Variants in MAST2 observed in about 807,000 individuals in gnomAD.
MAST2 encodes the protein microtubule associated serine/threonine kinase 2.
In MAST2, 70 loss-of-function variants were observed where a neutral mutation model predicts 147.4. The observed-to-expected ratio is 0.47, with a 90% CI of 0.39 to 0.58. The LOEUF (loss-of-function observed/expected upper bound fraction) is 0.58. MAST2 is among the 20% of genes least tolerant of loss of function. The pLI is 0.00. For missense variants in MAST2, 2,080 were observed against 2,302.3 expected (o/e 0.90, Z 1.98); for synonymous variants, 869 against 896.8 (o/e 0.97, Z 0.55).
intron 8 of MAST2, 69 bp downstream of exon 8, chr1:46,006,464 G>A: frequency 1.3e-6 from 2 of 1,503,344 alleles, no homozygotes. Context: ...CACAGAGGTG[G>A]GCACACTATG....
intron 10 of MAST2, among the ~76,000 whole-genome samples, chr1:46,015,928 AAAATACT>A (rs1645918921): frequency 6.6e-6 from 1 of 152,260 alleles, no homozygotes; most frequent in Non-Finnish European, 1.5e-5. Flanking sequence ...AATCCTCAAT[AAAATACT>A]GGCAAACCGA....
chr1:45,893,599 T>TAAA (rs35793282), intron 4 of MAST2, among the ~76,000 whole-genome samples: 1 of 143,512 alleles, frequency 7.0e-6, no homozygotes, highest in African/African-American at 2.6e-5. Flanking sequence ...TAGGATATTT[T>TAAA]AAAAAAAAAA....
intron 3 of MAST2, chr1:45,847,037 G>A (rs537810984): frequency 8.3e-5 from 31 of 372,300 alleles, no homozygotes; most frequent in South Asian, 4.2e-4. Context: ...TTGATTCATC[G>A]TTTAGTTCCA....
rs573011419 is a variant in MAST2 at position 45,850,332 on chromosome 1, G to A, written c.468+20751G>A. On this transcript the variant is annotated intron_variant, in intron 3 of 28. Coordinates refer to ENST00000361297, the MANE Select transcript of MAST2 (RefSeq NM_015112.3). ...TTTAATTGTTTAAGTTCTTTATAGA[G>A]TCTAGATATTAGACCTTTGTCAGAT... 2.6e-5 allele frequency among the ~76,000 whole-genome samples: 4 copies of A among 152,192 alleles called. No individual in the cohort carries two copies. The South Asian group carries it at 6.2e-4, about 24-fold the overall frequency.
intron 3 of MAST2, among the ~76,000 whole-genome samples, chr1:45,865,660 C>A (rs1256081239): frequency 6.6e-6 from 1 of 152,174 alleles, no homozygotes; most frequent in Non-Finnish European, 1.5e-5. Flanking sequence ...TACCTACCAT[C>A]TTTTCCTTCT....
chr1:45,805,840 C>A (rs1644126606), intron 1 of MAST2, among the ~76,000 whole-genome samples: 2 of 152,164 alleles, frequency 1.3e-5, no homozygotes, highest in Non-Finnish European at 2.9e-5. Context: ...CATAATTTCC[C>A]TGAATTGTGT....
At chr1:45,932,739 C>G (rs1305743260) in intron 4 of MAST2, among the ~76,000 whole-genome samples, 2 of 152,084 alleles carry the variant, frequency 1.3e-5, no homozygotes, top group Non-Finnish European at 2.9e-5. Context: ...GTTATATAAT[C>G]TGTTAATACC....
chr1:45,882,976 A>C (rs747523197), intron 4 of MAST2, among the ~76,000 whole-genome samples: 3 of 152,180 alleles, frequency 2.0e-5, no homozygotes, highest in Non-Finnish European at 4.4e-5. Flanking sequence ...CTGTTGGGGC[A>C]GTATTAGAAA....
chr1:45,970,372 A>C (rs1643869093), intron 5 of MAST2, among the ~76,000 whole-genome samples: 2 of 152,060 alleles, frequency 1.3e-5, no homozygotes, highest in Non-Finnish European at 2.9e-5. Flanking sequence ...CTGCTTAAGA[A>C]TTTCTGCTCC....
intron 3 of MAST2, among the ~76,000 whole-genome samples, chr1:45,854,862 C>G (rs1461132164): frequency 6.6e-6 from 1 of 152,212 alleles, no homozygotes; most frequent in African/African-American, 2.4e-5. Flanking sequence ...AGTTTCAGTC[C>G]TAGCTGGTTT....
chr1:46,025,316 C>T lies in MAST2; in HGVS notation c.1781-361C>T, dbSNP rs75886400. On this transcript the variant is annotated intron_variant, in intron 15 of 28. Transcript: ENST00000361297. ...CCTGGGTGACAGAGCAAGACTTTGC[C>T]TCAAAAAAATAAATAAATAAAAATA... 3.8e-3 allele frequency among the ~76,000 whole-genome samples: 544 copies of T among 143,392 alleles called. 6 individuals carry two copies. The highest frequency in any genetic ancestry group is 0.034 in the East Asian group (175 of 5,174). 94.1% of individuals were successfully genotyped at this position (143,392 alleles called of 152,430 possible). A position where few individuals can be genotyped will look rare whatever the true frequency, so the allele number is the denominator to read the frequency against.
intron 4 of MAST2, among the ~76,000 whole-genome samples, chr1:45,883,882 T>C (rs974813177): frequency 2.9e-5 from 4 of 138,796 alleles, no homozygotes; most frequent in Non-Finnish European, 6.2e-5. Context: ...TCAGGAAATA[T>C]TTGTACTTGG....
At chr1:45,973,321 C>G (rs537872901) in intron 5 of MAST2, among the ~76,000 whole-genome samples, 2 of 152,108 alleles carry the variant, frequency 1.3e-5, no homozygotes, top group Non-Finnish European at 2.9e-5. Context: ...TACTTTAGAC[C>G]TTGTCTCCAT....
chr1:45,984,949 C>G (rs1644554447), intron 5 of MAST2, among the ~76,000 whole-genome samples: 2 of 151,926 alleles, frequency 1.3e-5, no homozygotes, highest in African/African-American at 4.8e-5. Flanking sequence ...AATTTTGTAC[C>G]ATGAATATGT....
intron 4 of MAST2, among the ~76,000 whole-genome samples, chr1:45,931,791 G>T (rs1655353681): frequency 1.3e-5 from 2 of 150,992 alleles, no homozygotes; most frequent in South Asian, 4.2e-4. Context: ...ACCATGCCCA[G>T]TCCCACCCCA....
At chr1:45,979,421 G>C (rs1481242686) in intron 5 of MAST2, among the ~76,000 whole-genome samples, 2 of 99,434 alleles carry the variant, frequency 2.0e-5, no homozygotes, top group African/African-American at 9.0e-5. Flanking sequence ...TTTTCTGTCA[G>C]ATTTTTTGTT....
At chr1:45,807,934 A>G (rs1644188233) in intron 1 of MAST2, among the ~76,000 whole-genome samples, 2 of 152,174 alleles carry the variant, frequency 1.3e-5, no homozygotes, top group Non-Finnish European at 2.9e-5. Context: ...TTTTCATTGT[A>G]TGTGTCGAGA....
intron 4 of MAST2, among the ~76,000 whole-genome samples, chr1:45,889,978 C>T (rs118123268): frequency 0.051 from 7,732 of 152,162 alleles, 595 homozygotes; most frequent in African/African-American, 0.16. Flanking sequence ...CTTTTGACCT[C>T]GTGATCCGCC....
intron 10 of MAST2, among the ~76,000 whole-genome samples, chr1:46,011,883 G>A (rs1357583647): frequency 6.6e-6 from 1 of 152,180 alleles, no homozygotes; most frequent in Non-Finnish European, 1.5e-5. Flanking sequence ...CATGATTATT[G>A]TTGTCAAGTA....
Sources: allele counts gnomAD v4.1 joint callset (sites outside exome capture counted in the v4.1 genomes callset), GRCh38; gene constraint gnomAD v4.1.1; transcripts MANE v1.5; gene names NCBI Gene and HGNC (gene_info 2026-07-23, HGNC 2026-07-21).